The following SYCP2L variants were observed in gnomAD, a reference collection of about 807,000 sequenced individuals.
SYCP2L encodes synaptonemal complex protein 2-like.
Under a neutral mutation model 125.8 loss-of-function variants are expected in SYCP2L, and 98 were observed. That is an observed-to-expected ratio of 0.78 (90% CI 0.66 to 0.92). The LOEUF (loss-of-function observed/expected upper bound fraction) is 0.92. SYCP2L is among the 40% of genes least tolerant of loss of function. SYCP2L has a pLI of 0.00. For synonymous variants in SYCP2L, 317 were observed against 325.4 expected (o/e 0.97, Z 0.28); for missense variants, 842 against 936.4 (o/e 0.90, Z 1.32).
At position 10,926,419 on chromosome 6, in the gene SYCP2L, T is replaced by A; in HGVS notation, c.1299T>A (p.Leu433=). ...DKEDRESPSG[L]ERETEQAEES... ...AAGACAGGGAGAGTCCCAGTGGCCT[T>A]GAAAGAGAAACAGGTATATTGGGAA... The change falls in exon 16 of 30, where the codon CTT becomes CTA. Residue 433 remains leucine (L), a synonymous_variant. Coordinates refer to ENST00000283141, the MANE Select transcript of SYCP2L (RefSeq NM_001040274.3). The A allele has an allele frequency of 6.2e-7, 1 of 1,612,674 alleles. No individual in the cohort carries two copies. Among genetic ancestry groups the A allele is most frequent in the Non-Finnish European group, 8.5e-7 (1 of 1,179,008 alleles).
Position 10,907,645 on chromosome 6 carries a change from T to C in SYCP2L, c.780T>C (p.Ala260=), listed in dbSNP as rs778017016. 42 of 1,612,998 alleles carry C rather than the reference T, an allele frequency of 2.6e-5. No homozygotes were observed. Among genetic ancestry groups the C allele is most frequent in the East Asian group, 2.2e-5 (1 of 44,870 alleles). Residue 260 remains alanine (A), a synonymous_variant, in exon 10 of 30, where the codon GCT becomes GCC. Transcript: ENST00000283141. ...VHKWFDDEVI[A]EAFKEIKDRE... is the part of the protein sequence containing the mutation. ...AATGGTTTGATGATGAAGTCATTGC[T>C]GAAGCTTTCAAAGAAATTAAGGATC...
At chr6:10,941,132 A>G (rs1329709343) in intron 21 of SYCP2L, among the ~76,000 whole-genome samples, 1 of 152,192 alleles carries the variant, frequency 6.6e-6, no homozygotes, top group Non-Finnish European at 1.5e-5. Context: ...CCTTCCTTAC[A>G]CCTTAAACAA....
chr6:10,932,863 C>T (rs1781021932), intron 20 of SYCP2L, among the ~76,000 whole-genome samples: 1 of 152,192 alleles, frequency 6.6e-6, no homozygotes, highest in Admixed American at 6.5e-5. Flanking sequence ...AAGTGATTCT[C>T]CTGCCTCAGC....
intron 10 of SYCP2L, among the ~76,000 whole-genome samples, chr6:10,909,530 G>A (rs1780569279): frequency 1.3e-5 from 2 of 152,146 alleles, no homozygotes; most frequent in African/African-American, 4.8e-5. Context: ...GTCAATTCTT[G>A]CTAACAAAAG....
chr6:10,912,226 G>A lies in SYCP2L; in HGVS notation c.919-447G>A, dbSNP rs1420851649. Among the ~76,000 whole-genome samples, 2 of 152,070 alleles carry A rather than the reference G, an allele frequency of 1.3e-5. No homozygotes were observed. ...TTTATTTTAGAATAATTAAAATGAA[G>A]GAAATTTGAAGTCTTCAAGTCTTAG... On this transcript the variant is annotated intron_variant, in intron 12 of 29. Coordinates refer to ENST00000283141, the MANE Select transcript of SYCP2L (RefSeq NM_001040274.3). This position sits in a 1 kb window ranked among gnomAD's most constrained non-coding sequence, Gnocchi z 4.1.
chr6:10,911,893 G>GCTTTCT (rs1329978597), intron 12 of SYCP2L, among the ~76,000 whole-genome samples: 1 of 91,124 alleles, frequency 1.1e-5, no homozygotes. Context: ...GGGAATAAAA[G>GCTTTCT]CTTTTTTTTT....
intron 23 of SYCP2L, among the ~76,000 whole-genome samples, chr6:10,947,424 T>C (rs1781334716): frequency 1.3e-5 from 2 of 152,076 alleles, no homozygotes; most frequent in East Asian, 3.9e-4. Flanking sequence ...GAGTATGAAA[T>C]GTCTCTCTAT....
chr6:10,901,247 A>G (rs1363433999), intron 6 of SYCP2L, among the ~76,000 whole-genome samples: 4 of 152,308 alleles, frequency 2.6e-5, no homozygotes, highest in Non-Finnish European at 5.9e-5. Flanking sequence ...TTTGTATATG[A>G]CAACAAGTTT....
rs369093870 is a variant in SYCP2L, at chr6:10,956,274, C to T, written c.2163+32C>T. On this transcript the variant is annotated intron_variant, in intron 25 of 29. Transcript: ENST00000283141. ...GTCCACAAAACTTAAAAAACTAGAG[C>T]GTTATGAATCTGGAGGACATTATGC... The T allele has an allele frequency of 3.3e-5, 49 of 1,469,768 alleles. 1 individual carries two copies. Among genetic ancestry groups the T allele is most frequent in the African/African-American group, 2.1e-4 (15 of 71,740 alleles). The allele number at this position is 1,469,768 out of a possible 1,614,324, so 91.0% of individuals were successfully genotyped here.
chr6:10,925,433 C>A (rs766350156), intron 15 of SYCP2L, among the ~76,000 whole-genome samples: 1 of 152,128 alleles, frequency 6.6e-6, no homozygotes, highest in Non-Finnish European at 1.5e-5. Context: ...GTCTGTACTT[C>A]TCTAGATTGC....
intron 23 of SYCP2L, among the ~76,000 whole-genome samples, chr6:10,945,999 TTA>T (rs1296632702): frequency 6.6e-6 from 1 of 152,086 alleles, no homozygotes; most frequent in Admixed American, 6.6e-5. Flanking sequence ...TTTCATAATG[TTA>T]TATATATAAC....
intron 29 of SYCP2L, among the ~76,000 whole-genome samples, chr6:10,972,411 T>C (rs986209324): frequency 6.6e-6 from 1 of 152,208 alleles, no homozygotes; most frequent in African/African-American, 2.4e-5. Context: ...GTAACAGAAA[T>C]TGGACTCTGG....
chr6:10,928,117 A>G (rs1780929874), intron 17 of SYCP2L, among the ~76,000 whole-genome samples: 1 of 151,940 alleles, frequency 6.6e-6, no homozygotes, highest in Admixed American at 6.6e-5. Context: ...TGTGCAGTTA[A>G]CGCAATCATC....
At position 10,967,273 on chromosome 6, in the gene SYCP2L, A is replaced by G. The variant is rs114320047; in HGVS notation, c.*37+3430A>G. ...CATAAACAAATGATTCCAAGGAAAA[A>G]GGGAAAAAAAGAAAGCTTCCCGGTT... On this transcript the variant is annotated intron_variant, in intron 29 of 29. Coordinates refer to ENST00000283141, the MANE Select transcript of SYCP2L (RefSeq NM_001040274.3). 5.1e-3 allele frequency among the ~76,000 whole-genome samples: 783 copies of G among 152,254 alleles called. 7 individuals are homozygous for G. The highest frequency in any genetic ancestry group is 0.018 in the African/African-American group (747 of 41,556).
At chr6:10,894,253 T>C in intron 4 of SYCP2L, 49 bp downstream of exon 4, 3 of 1,585,936 alleles carry the variant, frequency 1.9e-6, no homozygotes, top group Non-Finnish European at 2.6e-6. Context: ...CTTAGAGAAC[T>C]TAGGTGGATT....
intron 14 of SYCP2L, among the ~76,000 whole-genome samples, chr6:10,924,118 AG>A: frequency 6.6e-6 from 1 of 152,194 alleles, no homozygotes; most frequent in Non-Finnish European, 1.5e-5. Flanking sequence ...AATTTCAGAG[AG>A]AGAGAGAGTG....
chr6:10,915,534 A>T (rs990331105), intron 14 of SYCP2L, among the ~76,000 whole-genome samples: 2 of 152,140 alleles, frequency 1.3e-5, no homozygotes, highest in African/African-American at 2.4e-5. Context: ...TCATAAAGGG[A>T]TGCTGGATTT....
At chr6:10,952,103 G>A (rs12207488) in intron 23 of SYCP2L, among the ~76,000 whole-genome samples, 30,322 of 152,098 alleles carry the variant, frequency 0.2, 3,738 homozygotes, top group Middle Eastern at 0.3. Flanking sequence ...TATTTTTGAG[G>A]TGTTCTGTGT....
intron 24 of SYCP2L, 118 bp from the exon 25 acceptor site, chr6:10,956,018 C>A: frequency 1.3e-6 from 1 of 758,022 alleles, no homozygotes; most frequent in Non-Finnish European, 2.2e-6. Context: ...GTCAGCGGGG[C>A]TTCCATGGTT....
Sources: gnomAD v4.1 joint callset for allele counts (sites outside exome capture counted in the v4.1 genomes callset) on GRCh38, gnomAD v4.1.1 for gene constraint, Gnocchi (gnomAD v3.1) non-coding constraint, MANE v1.5 for transcripts, NCBI Gene and HGNC (gene_info 2026-07-23, HGNC 2026-07-21) for gene names.